The following BTAF1 variants were observed in gnomAD, a reference collection of about 807,000 sequenced individuals.
BTAF1 encodes the protein B-TFIID TATA-box binding protein associated factor 1, also known as TATA-binding protein-associated factor 172.
A neutral mutation model predicts 227.1 loss-of-function variants in BTAF1; 38 were observed. The observed-to-expected ratio is 0.17, with a 90% CI of 0.13 to 0.22. The LOEUF (loss-of-function observed/expected upper bound fraction) is 0.22. Among genes scored for constraint, BTAF1 ranks in the 10% least tolerant of loss-of-function variants. BTAF1 has a pLI of 1.00. For synonymous variants in BTAF1, 742 were observed against 751.9 expected, an observed-to-expected ratio of 0.99 and a Z score of 0.21; for missense variants, 1,598 against 2,204.0, an observed-to-expected ratio of 0.73 and a Z score of 5.51.
At position 92,016,011 on chromosome 10, in the gene BTAF1, A is replaced by G. The variant is rs72825315; in HGVS notation, c.4585-329A>G. On this transcript the variant is annotated intron_variant, in intron 32 of 37. Coordinates refer to ENST00000265990, the MANE Select transcript of BTAF1 (RefSeq NM_003972.3). ...TTCTTTTTTTCTTTTTTAAGACTCA[A>G]TTTTTCTAAGATTTTCTTTTACTGG... Among the ~76,000 whole-genome samples, 21,223 of 152,036 alleles carry G rather than the reference A, an allele frequency of 0.14. 1,602 individuals are homozygous for G. The highest frequency in any genetic ancestry group is 0.2 in the Middle Eastern group (58 of 294).
chr10:91,977,334 C>T (rs1045486376), intron 14 of BTAF1, among the ~76,000 whole-genome samples: 4 of 152,234 alleles, frequency 2.6e-5, no homozygotes, highest in African/African-American at 7.2e-5. Flanking sequence ...TAGTTGGAAT[C>T]ATATAGTATG....
intron 18 of BTAF1, 64 bp from the exon 19 acceptor site, chr10:91,984,137 G>A (rs1848245123): frequency 2.8e-6 from 4 of 1,426,426 alleles, no homozygotes; most frequent in East Asian, 2.3e-5. Flanking sequence ...TACAAATGAC[G>A]ATTTCTGTAT....
At position 92,026,626 on chromosome 10, in the gene BTAF1, C is replaced by G; in HGVS notation, c.5110C>G (p.Leu1704Val). The change falls in exon 36 of 38, where the codon CTT becomes GTT. Residue 1704 changes from leucine (L) to valine (V), a missense_variant. Physicochemically the swap from Leu to Val is conservative, Grantham distance 32. Around this residue, in one of 10 missense-constraint regions of BTAF1, gnomAD observed 205 missense variants for 244.5 expected, o/e 0.84. Transcript: ENST00000265990. The part of the protein sequence containing the change: ...NNDPSIDVLL[L>V]TTHVGGLGLN... ...TGATCCATCTATAGACGTTCTGTTACTTACCACTCACGTTGGTGGCCTGGG... is the reference window on the plus strand; with the variant it reads ...TGATCCATCTATAGACGTTCTGTTAGTTACCACTCACGTTGGTGGCCTGGG... The G allele has an allele frequency of 6.2e-7, 1 of 1,613,780 alleles. No individual in the cohort carries two copies. The highest frequency in any genetic ancestry group is 8.5e-7 in the Non-Finnish European group (1 of 1,179,778).
intron 13 of BTAF1, among the ~76,000 whole-genome samples, chr10:91,964,513 A>G (rs1846741902): frequency 6.6e-6 from 1 of 152,176 alleles, no homozygotes; most frequent in Admixed American, 6.5e-5. Context: ...TAGAACGTAG[A>G]ATTTTAGCTT....
chr10:91,923,929 G>A lies in BTAF1; in HGVS notation c.-148G>A. The A allele has an allele frequency of 3.0e-6, 3 of 998,324 alleles. No individual in the cohort carries two copies. Among genetic ancestry groups the A allele is most frequent in the South Asian group, 2.1e-5 (1 of 47,568 alleles). 61.8% of individuals were successfully genotyped at this position (998,324 alleles called of 1,614,324 possible). Reference sequence around the variant, plus strand: ...CGGGTAGGCGGCAGGGCAGATGCCCGAGGGCCTGCGCTGGAACGCCCCACG... The same window carrying A: ...CGGGTAGGCGGCAGGGCAGATGCCCAAGGGCCTGCGCTGGAACGCCCCACG... On this transcript the variant is annotated 5_prime_UTR_variant, in exon 1 of 38. Coordinates refer to ENST00000265990, the MANE Select transcript of BTAF1 (RefSeq NM_003972.3).
At chr10:91,970,324 C>T (rs747567106) in intron 14 of BTAF1, among the ~76,000 whole-genome samples, 24 of 152,034 alleles carry the variant, frequency 1.6e-4, no homozygotes, top group Non-Finnish European at 3.4e-4. Context: ...AAAAAGAAAT[C>T]CTGTGTATTA....
In BTAF1 at chr10:92,008,946, C is replaced by T. The variant is rs757935801; in HGVS notation, c.3931C>T (p.His1311Tyr). The T allele has an allele frequency of 3.1e-6, 5 of 1,612,786 alleles. No individual in the cohort carries two copies. The highest frequency in any genetic ancestry group is 3.4e-6 in the Non-Finnish European group (4 of 1,179,622). ...SICILAGDHC[H>Y]RAQEYARSKL... is the part of the protein sequence containing the mutation. Reference sequence around the variant, plus strand: ...CTGCATTCTAGCAGGAGATCATTGTCATAGGTAATTTAAGATGTTATTTTA... The same window carrying T: ...CTGCATTCTAGCAGGAGATCATTGTTATAGGTAATTTAAGATGTTATTTTA... The change falls in exon 27 of 38, where the codon CAT becomes TAT. Residue 1311 changes from histidine (H) to tyrosine (Y), a missense_variant. His to Tyr is a moderately conservative substitution (Grantham distance 83). Around this residue, in one of 10 missense-constraint regions of BTAF1, gnomAD observed 184 missense variants for 341.1 expected, o/e 0.54. Coordinates refer to ENST00000265990, the MANE Select transcript of BTAF1 (RefSeq NM_003972.3).
chr10:91,927,955 A>G (rs1269079016), intron 1 of BTAF1, among the ~76,000 whole-genome samples: 1 of 143,892 alleles, frequency 6.9e-6, no homozygotes, highest in South Asian at 2.2e-4. Flanking sequence ...TTCAGTGAGT[A>G]CTTTTGAGTT....
intron 19 of BTAF1, among the ~76,000 whole-genome samples, chr10:91,985,419 T>C (rs1342511686): frequency 6.6e-6 from 1 of 152,206 alleles, no homozygotes; most frequent in Non-Finnish European, 1.5e-5. Flanking sequence ...TACCACTTTT[T>C]GTCTGTTGTG....
Position 91,923,904 on chromosome 10 carries a change from C to G in BTAF1, c.-173C>G. 5.5e-6 allele frequency: 4 copies of G among 722,100 alleles called. No individual in the cohort carries two copies. The South Asian group carries it at 7.9e-5, about 14-fold the overall frequency. The allele number at this position is 722,100 out of a possible 1,614,324, so 44.7% of individuals were successfully genotyped here. On this transcript the variant is annotated 5_prime_UTR_variant, in exon 1 of 38. Coordinates refer to ENST00000265990, the MANE Select transcript of BTAF1 (RefSeq NM_003972.3). ...TTACCGGCCGCCGCGGGGACGAGCT[C>G]GGGTAGGCGGCAGGGCAGATGCCCG...
intron 4 of BTAF1, among the ~76,000 whole-genome samples, chr10:91,949,804 C>T (rs1256820312): frequency 2.0e-5 from 3 of 151,900 alleles, no homozygotes; most frequent in Admixed American, 2.0e-4. Context: ...TGTAATGGCC[C>T]CTAACTCTCT....
chr10:91,966,770 A>C lies in BTAF1; in HGVS notation c.1650+13A>C. ...AACACAGGACCAGGTAAGAACTGATAACTATAGCAGTCTTGAAACTTATAT... is the reference window on the plus strand; with the variant it reads ...AACACAGGACCAGGTAAGAACTGATCACTATAGCAGTCTTGAAACTTATAT... On this transcript the variant is annotated intron_variant, in intron 14 of 37. Transcript: ENST00000265990. The C allele has an allele frequency of 6.2e-7, 1 of 1,611,426 alleles. No homozygotes were observed. The highest frequency in any genetic ancestry group is 8.5e-7 in the Non-Finnish European group (1 of 1,178,662).
rs1589916906 is a variant in BTAF1, at chr10:91,996,703, C to T, written c.3511+133C>T. On this transcript the variant is annotated intron_variant, in intron 24 of 37. Transcript: ENST00000265990. ...TTCCAAAAAATACCTATTCTTTTTA[C>T]ATCTTATTTTGAAATATTTTTGTAT... 6.3e-6 allele frequency: 5 copies of T among 789,930 alleles called. No individual in the cohort carries two copies. In the East Asian group the frequency reaches 1.4e-4, roughly 21 times the overall value. The allele number at this position is 789,930 out of a possible 1,614,324, so 48.9% of individuals were successfully genotyped here.
At chr10:91,961,317 C>G (rs554816127) in intron 11 of BTAF1, among the ~76,000 whole-genome samples, 3 of 152,218 alleles carry the variant, frequency 2.0e-5, no homozygotes, top group Non-Finnish European at 4.4e-5. Context: ...AGGCATTTCA[C>G]TATCCATTAT....
intron 25 of BTAF1, among the ~76,000 whole-genome samples, chr10:91,998,427 T>A (rs762641170): frequency 1.3e-5 from 2 of 152,082 alleles, no homozygotes; most frequent in African/African-American, 2.4e-5. Context: ...AAGATAAATT[T>A]GAGAGATGGT....
chr10:91,980,692 CAG>C (rs1309152076), intron 15 of BTAF1, 134 bp downstream of exon 15: 4 of 672,292 alleles, frequency 5.9e-6, no homozygotes, highest in East Asian at 5.5e-5. Flanking sequence ...CATAATGAGA[CAG>C]AGAACTAGGC....
At chr10:91,951,664 G>GCT in intron 5 of BTAF1, 98 bp downstream of exon 5, 1 of 1,303,792 alleles carries the variant, frequency 7.7e-7, no homozygotes, top group Non-Finnish European at 1.0e-6. Flanking sequence ...GTTATACTTA[G>GCT]CTCTGTTCAT....
intron 14 of BTAF1, among the ~76,000 whole-genome samples, chr10:91,971,838 ATTT>A (rs11299264): frequency 1.3e-5 from 2 of 148,580 alleles, no homozygotes; most frequent in Non-Finnish European, 3.0e-5. Context: ...AAATTTTGGG[ATTT>A]TTTTTTTTAA....
chr10:91,936,605 C>A (rs969337565), intron 2 of BTAF1, among the ~76,000 whole-genome samples: 1 of 152,158 alleles, frequency 6.6e-6, no homozygotes, highest in African/African-American at 2.4e-5. Context: ...ACATAATTCC[C>A]ACTTAGATAT....
Sources: gnomAD v4.1 joint callset for allele counts (sites outside exome capture counted in the v4.1 genomes callset) on GRCh38, gnomAD v4.1.1 for gene constraint, gnomAD v4.1.1 regional missense constraint, MANE v1.5 for transcripts, NCBI Gene and HGNC (gene_info 2026-07-23, HGNC 2026-07-21) for gene names.